Variants in TANC2 observed in about 807,000 individuals in gnomAD.
The protein encoded by TANC2 is tetratricopeptide repeat, ankyrin repeat and coiled-coil containing 2, also known as protein TANC2.
Under a neutral mutation model 210.5 loss-of-function variants are expected in TANC2, and 26 were observed. That is an observed-to-expected ratio of 0.12 (90% CI 0.09 to 0.17). The LOEUF is 0.17. TANC2 is among the 10% of genes least tolerant of loss of function. The probability of loss-of-function intolerance (pLI) is 1.00; values close to 1 mark genes in which losing one functional copy is unlikely to be tolerated. For synonymous variants in TANC2, 931 were observed against 967.1 expected, an observed-to-expected ratio of 0.96 and a Z score of 0.69; for missense variants, 2,129 against 2,608.9, an observed-to-expected ratio of 0.82 and a Z score of 4.01.
intron 3 of TANC2, among the ~76,000 whole-genome samples, chr17:63,086,637 C>T (rs928357428): frequency 3.3e-5 from 5 of 152,084 alleles, no homozygotes; most frequent in Admixed American, 2.6e-4. Context: ...TAATTGTTTA[C>T]ATTTATAGTC....
chr17:63,116,027 A>G (rs1042235431), intron 4 of TANC2, among the ~76,000 whole-genome samples: 1 of 152,206 alleles, frequency 6.6e-6, no homozygotes, highest in Non-Finnish European at 1.5e-5. Flanking sequence ...TAACTTTTCC[A>G]GAATTGGTAT....
At chr17:63,258,030 A>T (rs980655307) in intron 8 of TANC2, among the ~76,000 whole-genome samples, 3 of 152,204 alleles carry the variant, frequency 2.0e-5, no homozygotes, top group Non-Finnish European at 4.4e-5. Flanking sequence ...CATTTCTTGT[A>T]GCACAGGTCT....
intron 5 of TANC2, chr17:63,154,993 CTT>C (rs905276212): frequency 1.3e-5 from 2 of 152,014 alleles, no homozygotes; most frequent in Admixed American, 6.6e-5. Flanking sequence ...GGAGGGGAGA[CTT>C]TGAATTATTG....
At chr17:63,062,077 AT>A (rs943565590) in intron 2 of TANC2, among the ~76,000 whole-genome samples, 4 of 151,752 alleles carry the variant, frequency 2.6e-5, no homozygotes, top group Non-Finnish European at 2.9e-5. Context: ...TACAGCTTTA[AT>A]TTTTTTTAAT....
intron 1 of TANC2, among the ~76,000 whole-genome samples, chr17:63,007,008 T>G (rs1269564748): frequency 1.3e-5 from 2 of 152,126 alleles, no homozygotes; most frequent in African/African-American, 2.4e-5. Flanking sequence ...GGAGGATTGC[T>G]TGAGCCCAGG....
intron 5 of TANC2, among the ~76,000 whole-genome samples, chr17:63,170,198 C>T (rs1020050037): frequency 2.0e-5 from 3 of 150,712 alleles, no homozygotes; most frequent in Non-Finnish European, 3.0e-5. Flanking sequence ...GAGGCCGAGG[C>T]GGGCAGATCA....
intron 9 of TANC2, among the ~76,000 whole-genome samples, chr17:63,290,947 T>G (rs996626353): frequency 2.6e-5 from 4 of 152,196 alleles, no homozygotes; most frequent in Non-Finnish European, 2.9e-5. Flanking sequence ...TTAGCAAGAC[T>G]TTAGTTACTA....
intron 1 of TANC2, among the ~76,000 whole-genome samples, chr17:62,998,295 G>A (rs2033211848): frequency 6.6e-6 from 1 of 152,126 alleles, no homozygotes; most frequent in Non-Finnish European, 1.5e-5. Context: ...ATGACTCACT[G>A]GCATCCCTGA....
rs186856554 is a variant in TANC2, at chr17:63,362,081, A to G, written c.2582+6691A>G. ...AGGAGACCTGGAGTGGATAGCTCCT[A>G]TGTACAGGCAGGATGTCCCAACAAG... On this transcript the variant is annotated intron_variant, in intron 14 of 27. Coordinates refer to ENST00000689528, the Ensembl canonical transcript of TANC2. Among the ~76,000 whole-genome samples, 57 of 152,238 alleles carry G rather than the reference A, an allele frequency of 3.7e-4. No homozygotes were observed. In the East Asian group the frequency reaches 8.5e-3, roughly 23 times the overall value.
intron 4 of TANC2, among the ~76,000 whole-genome samples, chr17:63,110,796 C>G (rs1447054780): frequency 2.6e-5 from 4 of 152,190 alleles, no homozygotes; most frequent in Non-Finnish European, 5.9e-5. Context: ...CACGTTCAAA[C>G]CATAGCACCA....
At chr17:63,369,058 C>T (rs1020861220) in intron 14 of TANC2, among the ~76,000 whole-genome samples, 7 of 152,180 alleles carry the variant, frequency 4.6e-5, no homozygotes, top group Non-Finnish European at 8.8e-5. Context: ...CCAGAAGACA[C>T]CTTTGTCCAA....
intron 2 of TANC2, among the ~76,000 whole-genome samples, chr17:63,016,486 A>G (rs2034116431): frequency 6.6e-6 from 1 of 152,140 alleles, no homozygotes. Flanking sequence ...TTTGATGGGC[A>G]TTTGGGTTGT....
At chr17:63,222,116 A>G (rs1043760092) in intron 7 of TANC2, among the ~76,000 whole-genome samples, 8 of 152,210 alleles carry the variant, frequency 5.3e-5, no homozygotes, top group African/African-American at 1.9e-4. Flanking sequence ...GGTGAAGGCC[A>G]ACTTCCTGTT....
intron 8 of TANC2, among the ~76,000 whole-genome samples, chr17:63,238,446 A>G (rs965925090): frequency 2.0e-5 from 3 of 152,216 alleles, no homozygotes; most frequent in African/African-American, 4.8e-5. Context: ...TTTAAAAAAC[A>G]TTACTAAAAT....
At chr17:63,160,744 A>C (rs2039997527) in intron 5 of TANC2, among the ~76,000 whole-genome samples, 1 of 152,180 alleles carries the variant, frequency 6.6e-6, no homozygotes, top group Non-Finnish European at 1.5e-5. Flanking sequence ...CCTCTGGTAC[A>C]TTTCTTCCAG....
intron 5 of TANC2, chr17:63,153,572 T>C (rs1013865419): frequency 1.3e-5 from 2 of 152,226 alleles, no homozygotes; most frequent in Admixed American, 6.5e-5. Flanking sequence ...GAATTTGCAT[T>C]TCTAACAAAA....
chr17:63,313,333 A>T (rs1200379769), intron 9 of TANC2: 2 of 152,224 alleles, frequency 1.3e-5, no homozygotes, highest in Admixed American at 1.3e-4. Context: ...AGATAAAGTG[A>T]TACGTCTTAG....
intron 3 of TANC2, among the ~76,000 whole-genome samples, chr17:63,092,014 G>T (rs2037216734): frequency 6.6e-6 from 1 of 152,070 alleles, no homozygotes; most frequent in African/African-American, 2.4e-5. Context: ...CTCTCTGTTT[G>T]TCTGTTATTG....
At chr17:63,269,826 A>G (rs2043643246) in intron 9 of TANC2, among the ~76,000 whole-genome samples, 1 of 152,174 alleles carries the variant, frequency 6.6e-6, no homozygotes, top group Non-Finnish European at 1.5e-5. Flanking sequence ...CATTCAGTGA[A>G]ACAACAAAAG....
Sources: allele counts gnomAD v4.1 joint callset (sites outside exome capture counted in the v4.1 genomes callset), GRCh38; gene constraint gnomAD v4.1.1; transcripts MANE v1.5; gene names NCBI Gene and HGNC (gene_info 2026-07-23, HGNC 2026-07-21).